UGT2A2: variants seen among roughly 807,000 people sequenced by gnomAD.
The protein encoded by UGT2A2 is UDP glucuronosyltransferase family 2 member A2, also known as UDP-glucuronosyltransferase 2A2.
UGT2A2 carries 60 observed loss-of-function variants against 50.7 expected under a neutral mutation model. The observed-to-expected ratio is 1.18, with a 90% CI of 0.96 to 1.47. The LOEUF is 1.47. UGT2A2 is among the 40% of genes most tolerant of loss of function. The pLI is 0.00. For synonymous variants in UGT2A2, 242 were observed against 214.6 expected, an observed-to-expected ratio of 1.13 and a Z score of -1.11; for missense variants, 762 against 634.0, an observed-to-expected ratio of 1.20 and a Z score of -2.17.
At chr4:69,620,662 A>T (rs531415293) in intron 1 of UGT2A2, among the ~76,000 whole-genome samples, 2 of 151,472 alleles carry the variant, frequency 1.3e-5, no homozygotes, top group South Asian at 2.1e-4. Context: ...AACCAAAAAA[A>T]AAAAAGAGCC....
intron 1 of UGT2A2, 182 bp from the exon 2 acceptor site, chr4:69,599,576 G>A (rs1719138395): frequency 1.1e-6 from 1 of 870,884 alleles, no homozygotes. Context: ...AAGAAAGGAA[G>A]GAGGAAGGAA....
intron 1 of UGT2A2, among the ~76,000 whole-genome samples, chr4:69,612,899 C>G: frequency 1.0e-5 from 1 of 100,392 alleles, no homozygotes; most frequent in Non-Finnish European, 2.0e-5. Context: ...AAATAAAGAA[C>G]CTCTGCAGAA....
chr4:69,616,901 T>A (rs1038826751), intron 1 of UGT2A2, among the ~76,000 whole-genome samples: 1 of 150,460 alleles, frequency 6.6e-6, no homozygotes, highest in Non-Finnish European at 1.5e-5. Context: ...CCTCTGTGTA[T>A]GTGGCATCTA....
rs757495401 is a variant in UGT2A2 at position 69,639,394 on chromosome 4, T to A, written c.247A>T (p.Ile83Leu). 6.8e-6 allele frequency: 11 copies of A among 1,613,544 alleles called. No homozygotes were observed. Among genetic ancestry groups the A allele is most frequent in the Non-Finnish European group, 9.3e-6 (11 of 1,179,668 alleles). The stretch of plus-strand genomic sequence containing the variant: ...TTGCTCTTCTTGTAGGAAACAGGTA[T>A]CACTTCAAAATTCACAGGAGAATCG... ...NPDSPVNFEVIPVSYKKSNID... is the reference protein window; with the variant it reads ...NPDSPVNFEVLPVSYKKSNID... The change falls in exon 1 of 6, where the codon ATA becomes TTA. Residue 83 changes from isoleucine (I) to leucine (L), a missense_variant. Ile to Leu is a conservative substitution (Grantham distance 5). Coordinates refer to ENST00000604629, the MANE Select transcript of UGT2A2 (RefSeq NM_001105677.2).
At chr4:69,601,568 T>A (rs575381544) in intron 1 of UGT2A2, among the ~76,000 whole-genome samples, 2 of 152,236 alleles carry the variant, frequency 1.3e-5, no homozygotes, top group African/African-American at 2.4e-5. Context: ...ACCTCAGCTA[T>A]CACTATTACC....
intron 1 of UGT2A2, 28 bp downstream of exon 1, chr4:69,638,871 C>A (rs1721875367): frequency 5.9e-6 from 9 of 1,519,786 alleles, no homozygotes; most frequent in South Asian, 2.6e-5. Flanking sequence ...GATGTGGAGT[C>A]ATTAAAAAGA....
intron 2 of UGT2A2, among the ~76,000 whole-genome samples, 194 bp downstream of exon 2, chr4:69,599,052 A>C (rs1054088323): frequency 6.6e-6 from 1 of 152,142 alleles, no homozygotes; most frequent in Non-Finnish European, 1.5e-5. Flanking sequence ...TTTATTCTTC[A>C]GTTTAAATTG....
chr4:69,623,168 C>T (rs75662748), intron 1 of UGT2A2, among the ~76,000 whole-genome samples: 3,503 of 151,906 alleles, frequency 0.023, 117 homozygotes, highest in Non-Finnish European at 0.026. Context: ...CCATCCTCTT[C>T]CATCTGTTCC....
chr4:69,617,724 G>T (rs1720487946), intron 1 of UGT2A2, among the ~76,000 whole-genome samples: 1 of 151,588 alleles, frequency 6.6e-6, no homozygotes, highest in South Asian at 2.1e-4. Context: ...ATTCATTATT[G>T]GGAGTTAACA....
chr4:69,613,932 GC>G (rs1468486456), intron 1 of UGT2A2, among the ~76,000 whole-genome samples: 1 of 151,956 alleles, frequency 6.6e-6, no homozygotes, highest in African/African-American at 2.4e-5. Flanking sequence ...TAGGATATGT[GC>G]TTTCACAACT....
chr4:69,608,331 A>T (rs569143387), intron 1 of UGT2A2, among the ~76,000 whole-genome samples: 1 of 151,274 alleles, frequency 6.6e-6, no homozygotes, highest in East Asian at 2.0e-4. Context: ...CAAAAAAACA[A>T]ACACTGCATG....
At chr4:69,616,589 A>G (rs1424144535) in intron 1 of UGT2A2, among the ~76,000 whole-genome samples, 2 of 151,984 alleles carry the variant, frequency 1.3e-5, no homozygotes, top group Non-Finnish European at 2.9e-5. Flanking sequence ...AAGTGTTTGC[A>G]ACTTCCAGTT....
rs763438079 is a variant in UGT2A2, at chr4:69,638,936, G to C, written c.705C>G (p.Tyr235Ter). The C allele has an allele frequency of 3.7e-6, 6 of 1,611,006 alleles. No homozygotes were observed. The South Asian group carries it at 6.6e-5, about 18-fold the overall frequency. ...YSLQDYIFQS[Y>*]WGEWNSYYSK... ...TATAGTATGAATTCCATTCTCCCCA[G>C]TAGGACTGAAATATATAGTCTTGCA... The change falls in exon 1 of 6, where the codon TAC (tyrosine) becomes TAG (stop). Residue 235 changes from tyrosine (Y) to a stop codon, truncating the protein, a stop_gained. Coordinates refer to ENST00000604629, the MANE Select transcript of UGT2A2 (RefSeq NM_001105677.2). LOFTEE classifies it high-confidence loss of function.
At chr4:69,620,984 CAT>C (rs1041993099) in intron 1 of UGT2A2, among the ~76,000 whole-genome samples, 6 of 151,954 alleles carry the variant, frequency 3.9e-5, no homozygotes, top group African/African-American at 1.4e-4. Flanking sequence ...TTTCTTACAC[CAT>C]ATACAAATAT....
At chr4:69,612,408 T>G (rs80260976) in intron 1 of UGT2A2, among the ~76,000 whole-genome samples, 6,575 of 151,978 alleles carry the variant, frequency 0.043, 232 homozygotes, top group South Asian at 0.17. Context: ...ATTCTAAAAT[T>G]TATATGGAAC....
rs1694471028 is a variant in UGT2A2 at position 69,596,318 on chromosome 4, T to C, written c.955A>G (p.Met319Val). Reference protein sequence around the residue: ...NGVVVFSLGSMVKNLTEEKAN... With the variant: ...NGVVVFSLGSVVKNLTEEKAN... Reference sequence around the variant, plus strand: ...TTTTCTTCTGTAAGGTTTTTGACCATTGATCCCAGAGAAAACACCACAACA... The same window carrying C: ...TTTTCTTCTGTAAGGTTTTTGACCACTGATCCCAGAGAAAACACCACAACA... Residue 319 changes from methionine to valine, a missense_variant, in exon 3 of 6, where the codon ATG becomes GTG. Coordinates refer to ENST00000604629, the MANE Select transcript of UGT2A2 (RefSeq NM_001105677.2). 1.9e-6 allele frequency: 3 copies of C among 1,609,034 alleles called. No homozygotes were observed. The highest frequency in any genetic ancestry group is 2.5e-6 in the Non-Finnish European group (3 of 1,176,904).
At chr4:69,592,958 A>G (rs186673247) in intron 5 of UGT2A2, among the ~76,000 whole-genome samples, 52 of 152,280 alleles carry the variant, frequency 3.4e-4, no homozygotes, top group African/African-American at 1.3e-3. Flanking sequence ...AAAAGTAACT[A>G]TTTCTTTTTC....
At chr4:69,593,141 G>T (rs1278490718) in intron 5 of UGT2A2, among the ~76,000 whole-genome samples, 2 of 152,018 alleles carry the variant, frequency 1.3e-5, no homozygotes, top group Non-Finnish European at 1.5e-5. Flanking sequence ...AGCAGTGAGT[G>T]AATATTGCTA....
intron 4 of UGT2A2, 126 bp downstream of exon 4, chr4:69,595,036 G>T: frequency 7.6e-7 from 1 of 1,320,448 alleles, no homozygotes; most frequent in Non-Finnish European, 1.1e-6. Flanking sequence ...AATTATATCT[G>T]CTTTAAAATT....
Sources: allele counts gnomAD v4.1 joint callset (sites outside exome capture counted in the v4.1 genomes callset), GRCh38; gene constraint gnomAD v4.1.1; transcripts MANE v1.5; gene names NCBI Gene and HGNC (gene_info 2026-07-23, HGNC 2026-07-21).